The following PPP1R14C variants were observed in gnomAD, a reference collection of about 807,000 sequenced individuals.
PPP1R14C encodes protein phosphatase 1 regulatory inhibitor subunit 14C.
A neutral mutation model predicts 20.4 loss-of-function variants in PPP1R14C; 16 were observed. The ratio of observed to expected loss-of-function variants is 0.78; its 90% CI spans 0.53 to 1.19. The LOEUF (loss-of-function observed/expected upper bound fraction) is 1.19. PPP1R14C is among the 50% of genes most tolerant of loss of function. PPP1R14C has a pLI of 0.00. For missense variants in PPP1R14C, 211 were observed against 220.1 expected, an observed-to-expected ratio of 0.96 and a Z score of 0.26; for synonymous variants, 91 against 91.0, an observed-to-expected ratio of 1.00 and a Z score of 0.00.
In PPP1R14C at chr6:150,249,219, T is replaced by C. The variant is rs12110655; in HGVS notation, c.*399T>C. 3,643 of 399,520 alleles carry C rather than the reference T, an allele frequency of 9.1e-3. 138 individuals are homozygous for C. Among genetic ancestry groups the C allele is most frequent in the African/African-American group, 0.067 (3,267 of 48,730 alleles). The allele number at this position is 399,520 out of a possible 1,614,324, so 24.7% of individuals were successfully genotyped here. Reference sequence around the variant, plus strand: ...ATATTTTTTTTCTTAAGTTGTACATTTGACTCAGCTGTCAAATTTCTCACA... The same window carrying C: ...ATATTTTTTTTCTTAAGTTGTACATCTGACTCAGCTGTCAAATTTCTCACA... On this transcript the variant is annotated 3_prime_UTR_variant, in exon 4 of 4. Transcript: ENST00000361131.
intron 3 of PPP1R14C, among the ~76,000 whole-genome samples, chr6:150,224,840 G>T (rs963505816): frequency 1.8e-4 from 28 of 152,120 alleles, no homozygotes; most frequent in African/African-American, 6.3e-4. Flanking sequence ...TGAATATGAT[G>T]AATTAGGTAA....
At chr6:150,167,979 TC>T (rs1358161784) in intron 1 of PPP1R14C, among the ~76,000 whole-genome samples, 28 of 127,650 alleles carry the variant, frequency 2.2e-4, no homozygotes, top group East Asian at 4.8e-4. Context: ...TCTCTCCTTC[TC>T]TCCTCCCCTC....
intron 1 of PPP1R14C, among the ~76,000 whole-genome samples, chr6:150,160,256 CTTTTTTTTT>C (rs535189665): frequency 4.0e-5 from 4 of 100,916 alleles, no homozygotes; most frequent in Non-Finnish European, 7.4e-5. Context: ...GTAGCTCATT[CTTTTTTTTT>C]TTTTTTTTTT....
chr6:150,236,713 G>A (rs1381404602), intron 3 of PPP1R14C, among the ~76,000 whole-genome samples: 1 of 151,848 alleles, frequency 6.6e-6, no homozygotes, highest in Non-Finnish European at 1.5e-5. Flanking sequence ...TGCAATTCTA[G>A]CACTTCATGA....
rs1411424160 is a variant in PPP1R14C at position 150,168,770 on chromosome 6, T to C, written c.306+25272T>C. ...AAGTCATGTTTTGAGTATTTACAAC[T>C]TTATTATATAATTACTCTTCTTATA... On this transcript the variant is annotated intron_variant, in intron 1 of 3. Transcript: ENST00000361131. Among the ~76,000 whole-genome samples, 3 of 152,230 alleles carry C rather than the reference T, an allele frequency of 2.0e-5. No individual in the cohort carries two copies. In the East Asian group the frequency reaches 5.8e-4, roughly 29 times the overall value.
chr6:150,186,051 A>G (rs747410960), intron 1 of PPP1R14C, among the ~76,000 whole-genome samples: 2 of 152,116 alleles, frequency 1.3e-5, no homozygotes, highest in Non-Finnish European at 2.9e-5. Flanking sequence ...AGGCCACCAG[A>G]ATATTCGTGC....
At chr6:150,180,687 G>C (rs903783225) in intron 1 of PPP1R14C, among the ~76,000 whole-genome samples, 3 of 152,162 alleles carry the variant, frequency 2.0e-5, no homozygotes, top group Non-Finnish European at 4.4e-5. Flanking sequence ...CACTTTAGTG[G>C]GTGACACAGG....
intron 3 of PPP1R14C, among the ~76,000 whole-genome samples, chr6:150,247,250 C>T (rs1438029028): frequency 6.6e-6 from 1 of 152,166 alleles, no homozygotes; most frequent in Non-Finnish European, 1.5e-5. Flanking sequence ...TGTTTTTGCT[C>T]TCAGATAGTC....
intron 1 of PPP1R14C, among the ~76,000 whole-genome samples, chr6:150,189,770 T>G (rs1300054782): frequency 6.6e-6 from 1 of 152,234 alleles, no homozygotes; most frequent in Non-Finnish European, 1.5e-5. Flanking sequence ...ACAGAATGCT[T>G]TATTATCAAG....
At position 150,160,367 on chromosome 6, in the gene PPP1R14C, C is replaced by T. The variant is rs1400302792; in HGVS notation, c.306+16869C>T. ...GCAAGCTCCACCTCCTGGGTTCACGCCATTCTCCTGCTTCAGCCTCCCGAG... is the reference window on the plus strand; with the variant it reads ...GCAAGCTCCACCTCCTGGGTTCACGTCATTCTCCTGCTTCAGCCTCCCGAG... On this transcript the variant is annotated intron_variant, in intron 1 of 3. Transcript: ENST00000361131. 2.0e-5 allele frequency among the ~76,000 whole-genome samples: 3 copies of T among 150,224 alleles called. No individual in the cohort carries two copies. The Admixed American group carries it at 2.0e-4, about 10-fold the overall frequency.
intron 1 of PPP1R14C, among the ~76,000 whole-genome samples, chr6:150,160,366 G>T (rs148528287): frequency 0.025 from 3,667 of 144,362 alleles, 145 homozygotes; most frequent in African/African-American, 0.089. Context: ...CTGGGTTCAC[G>T]CCATTCTCCT....
chr6:150,163,592 G>T (rs1299707865), intron 1 of PPP1R14C, among the ~76,000 whole-genome samples: 1 of 151,938 alleles, frequency 6.6e-6, no homozygotes, highest in Admixed American at 6.6e-5. Context: ...TCCCTCCAAG[G>T]TCATCTGATT....
chr6:150,212,844 G>A (rs919297045), intron 1 of PPP1R14C, among the ~76,000 whole-genome samples: 1 of 152,198 alleles, frequency 6.6e-6, no homozygotes, highest in African/African-American at 2.4e-5. Flanking sequence ...TTACAGCCTA[G>A]GAGCAATATA....
intron 1 of PPP1R14C, among the ~76,000 whole-genome samples, chr6:150,177,805 C>G (rs1777579508): frequency 2.0e-5 from 3 of 152,104 alleles, no homozygotes; most frequent in Admixed American, 2.0e-4. Flanking sequence ...TTTCTCTGAG[C>G]CAGTCCGGAC....
At chr6:150,243,174 CT>C (rs574248701) in intron 3 of PPP1R14C, among the ~76,000 whole-genome samples, 228 of 129,302 alleles carry the variant, frequency 1.8e-3, no homozygotes, top group Middle Eastern at 0.012. Context: ...TCTAAAATTC[CT>C]TTTTTTTTTT....
At position 150,143,719 on chromosome 6, in the gene PPP1R14C, G is replaced by A. The variant is rs868312193; in HGVS notation, c.306+221G>A. Among the ~76,000 whole-genome samples, 3 of 152,312 alleles carry A rather than the reference G, an allele frequency of 2.0e-5. No homozygotes were observed. Among genetic ancestry groups the A allele is most frequent in the East Asian group, 3.9e-4 (2 of 5,162 alleles). On this transcript the variant is annotated intron_variant, in intron 1 of 3. Coordinates refer to ENST00000361131, the MANE Select transcript of PPP1R14C (RefSeq NM_030949.3). The surrounding 1 kb of genome is among the most constrained non-coding windows in gnomAD (Gnocchi z 5.6). ...CTGGGTTCGGCTGCCGGTGCCCGGGGATCTGCGGGCCCCCTTGGTGGCCGT... is the reference window on the plus strand; with the variant it reads ...CTGGGTTCGGCTGCCGGTGCCCGGGAATCTGCGGGCCCCCTTGGTGGCCGT...
chr6:150,214,887 T>C lies in PPP1R14C; in HGVS notation c.390+60T>C, dbSNP rs1778071468. ...ATGGACACTTGAGAGTCTACTTGGGTCTTCAGTGCTTGGCATCAACTGATT... is the reference window on the plus strand; with the variant it reads ...ATGGACACTTGAGAGTCTACTTGGGCCTTCAGTGCTTGGCATCAACTGATT... On this transcript the variant is annotated intron_variant, in intron 2 of 3. Transcript: ENST00000361131. 4.1e-6 allele frequency: 5 copies of C among 1,223,320 alleles called. No individual in the cohort carries two copies. In the East Asian group the frequency reaches 1.2e-4, roughly 29 times the overall value. The allele number at this position is 1,223,320 out of a possible 1,614,324, so 75.8% of individuals were successfully genotyped here.
rs572325745 is a variant in PPP1R14C at position 150,231,248 on chromosome 6, T to C, written c.423+14392T>C. ...TTCTTAGAAGTCTCTCAGCAGCATG[T>C]TGTATAAAGTCAGTTTTCCAAGCTC... On this transcript the variant is annotated intron_variant, in intron 3 of 3. Coordinates refer to ENST00000361131, the MANE Select transcript of PPP1R14C (RefSeq NM_030949.3). Among the ~76,000 whole-genome samples, 5 of 152,338 alleles carry C rather than the reference T, an allele frequency of 3.3e-5. No homozygotes were observed. In the East Asian group the frequency reaches 7.7e-4, roughly 24 times the overall value.
intron 1 of PPP1R14C, among the ~76,000 whole-genome samples, chr6:150,190,771 A>G (rs1442412106): frequency 6.6e-6 from 1 of 152,108 alleles, no homozygotes; most frequent in Non-Finnish European, 1.5e-5. Flanking sequence ...CATTGGCTCT[A>G]CCTTCAAAAT....
Sources: gnomAD v4.1 joint callset for allele counts (sites outside exome capture counted in the v4.1 genomes callset) on GRCh38, gnomAD v4.1.1 for gene constraint, Gnocchi (gnomAD v3.1) non-coding constraint, MANE v1.5 for transcripts, NCBI Gene and HGNC (gene_info 2026-07-23, HGNC 2026-07-21) for gene names.